DLG2: variants seen among roughly 807,000 people sequenced by gnomAD.
The protein encoded by DLG2 is disks large homolog 2.
DLG2 carries 45 observed loss-of-function variants against 132.5 expected under a neutral mutation model. The ratio of observed to expected loss-of-function variants is 0.34; its 90% confidence interval spans 0.27 to 0.44. DLG2 has a LOEUF of 0.44. Among genes scored for constraint, DLG2 ranks in the 20% least tolerant of loss-of-function variants. DLG2 has a pLI of 1.00. For missense variants in DLG2, 1,045 were observed against 1,196.9 expected (o/e 0.87, Z 1.87); for synonymous variants, 424 against 419.6 (o/e 1.01, Z -0.13).
chr11:83,765,529 C>A (rs1192939886), intron 18 of DLG2, among the ~76,000 whole-genome samples: 1 of 152,198 alleles, frequency 6.6e-6, no homozygotes, highest in Non-Finnish European at 1.5e-5. Context: ...ACAGAAATCA[C>A]AAAAGTGTCC....
intron 7 of DLG2, among the ~76,000 whole-genome samples, chr11:84,434,305 C>A (rs1227096732): frequency 6.6e-6 from 1 of 151,974 alleles, no homozygotes; most frequent in Non-Finnish European, 1.5e-5. Flanking sequence ...ATTCTGTAAA[C>A]ATTATCACTT....
At chr11:84,793,989 C>T (rs1474138518) in intron 6 of DLG2, among the ~76,000 whole-genome samples, 6 of 151,970 alleles carry the variant, frequency 3.9e-5, no homozygotes, top group African/African-American at 1.5e-4. Context: ...TCCTTCATTT[C>T]TGCCTTCCTT....
intron 6 of DLG2, chr11:84,687,380 TG>T: frequency 6.6e-6 from 1 of 152,284 alleles, no homozygotes; most frequent in South Asian, 2.1e-4. Context: ...CAAAAAATCC[TG>T]GTTATTATTT....
chr11:84,856,222 G>A (rs1400164538), intron 6 of DLG2, among the ~76,000 whole-genome samples: 3 of 151,992 alleles, frequency 2.0e-5, no homozygotes, highest in Non-Finnish European at 4.4e-5. Context: ...AATATTTAAA[G>A]GGATGTCACA....
chr11:84,705,418 A>T lies in DLG2; in HGVS notation c.358-170687T>A, dbSNP rs183940585. 5.4e-4 allele frequency among the ~76,000 whole-genome samples: 82 copies of T among 151,872 alleles called. 1 individual carries two copies. The highest frequency in any genetic ancestry group is 1.0e-3 in the Non-Finnish European group (71 of 67,776). On this transcript the variant is annotated intron_variant, in intron 6 of 27. Transcript: ENST00000376104. ...CTTCTTACCAGTTCTATTGCAAATC[A>T]TTCAGTTCTATTGAAGACACTGGAC...
intron 8 of DLG2, among the ~76,000 whole-genome samples, chr11:84,197,151 A>T (rs2154296069): frequency 6.6e-6 from 1 of 151,964 alleles, no homozygotes; most frequent in African/African-American, 2.4e-5. Flanking sequence ...TATGTTGAGT[A>T]TTTTTATACT....
intron 6 of DLG2, among the ~76,000 whole-genome samples, chr11:84,787,171 T>C (rs2073046307): frequency 6.6e-6 from 1 of 152,168 alleles, no homozygotes; most frequent in African/African-American, 2.4e-5. Flanking sequence ...CCATGTCCTT[T>C]TTCTAGATTG....
chr11:84,308,575 A>T (rs2098252929), intron 7 of DLG2, among the ~76,000 whole-genome samples: 1 of 152,020 alleles, frequency 6.6e-6, no homozygotes, highest in African/African-American at 2.4e-5. Flanking sequence ...TGGGCGGTCA[A>T]TGGGACTGGG....
At chr11:83,540,831 C>G (rs1292375763) in intron 20 of DLG2, among the ~76,000 whole-genome samples, 5 of 152,160 alleles carry the variant, frequency 3.3e-5, no homozygotes, top group African/African-American at 1.2e-4. Flanking sequence ...AGCATAATTC[C>G]TGACTGATTT....
chr11:85,485,294 T>C (rs1327125213), intron 3 of DLG2, among the ~76,000 whole-genome samples: 2 of 152,150 alleles, frequency 1.3e-5, no homozygotes, highest in East Asian at 1.9e-4. Flanking sequence ...ATGGCACATG[T>C]ATACATATGT....
chr11:85,287,853 C>A (rs1008538937), intron 3 of DLG2, among the ~76,000 whole-genome samples: 1 of 151,798 alleles, frequency 6.6e-6, no homozygotes, highest in Non-Finnish European at 1.5e-5. Context: ...AGAAAAATAA[C>A]GTTGGGTGAA....
chr11:83,971,492 C>T (rs1247873955), intron 12 of DLG2, among the ~76,000 whole-genome samples: 3 of 152,004 alleles, frequency 2.0e-5, no homozygotes, highest in Non-Finnish European at 1.5e-5. Flanking sequence ...TGTAATAATA[C>T]AAAGGTGGGA....
chr11:84,250,844 A>T (rs1278811529), intron 8 of DLG2, among the ~76,000 whole-genome samples: 1 of 152,190 alleles, frequency 6.6e-6, no homozygotes, highest in Non-Finnish European at 1.5e-5. Context: ...TAAAATCCAT[A>T]AAAATATTTA....
chr11:84,093,957 T>G (rs906074266), intron 10 of DLG2, among the ~76,000 whole-genome samples: 5 of 151,964 alleles, frequency 3.3e-5, no homozygotes, highest in Admixed American at 1.3e-4. Flanking sequence ...TGGGTCTTTT[T>G]TTTTTTATTT....
At chr11:84,132,308 C>G (rs1413365518) in intron 9 of DLG2, among the ~76,000 whole-genome samples, 1 of 151,932 alleles carries the variant, frequency 6.6e-6, no homozygotes, top group African/African-American at 2.4e-5. Context: ...TGGCAAGATA[C>G]CTGATATCTA....
At chr11:85,391,312 C>G (rs1392921487) in intron 3 of DLG2, among the ~76,000 whole-genome samples, 1 of 151,826 alleles carries the variant, frequency 6.6e-6, no homozygotes, top group Admixed American at 6.6e-5. Flanking sequence ...TTGCCAACAA[C>G]AAAAAATAGT....
rs181870422 is a variant in DLG2, at chr11:84,197,774, T to C, written c.574-34263A>G. Among the ~76,000 whole-genome samples, 358 of 152,280 alleles carry C rather than the reference T, an allele frequency of 2.4e-3. 2 individuals carry two copies. Among genetic ancestry groups the C allele is most frequent in the African/African-American group, 8.3e-3 (347 of 41,568 alleles). On this transcript the variant is annotated intron_variant, in intron 8 of 27. Transcript: ENST00000376104. ...GTATTCACTCAATTAAGTAACTAGA[T>C]AAACAGCTAATCCTAACACATACTG...
In DLG2 at chr11:84,359,362, C is replaced by T. The variant is rs189703350; in HGVS notation, c.520-108071G>A. On this transcript the variant is annotated intron_variant, in intron 7 of 27. Coordinates refer to ENST00000376104, the MANE Select transcript of DLG2 (RefSeq NM_001142699.3). ...ATCTTAACACCCCATCTCTGCTAGA[C>T]GAATTAACTCTTTTGGTTCACTGCA... Among the ~76,000 whole-genome samples, 31 of 151,942 alleles carry T rather than the reference C, an allele frequency of 2.0e-4. 1 individual carries two copies. Among genetic ancestry groups the T allele is most frequent in the Middle Eastern group, 3.4e-3 (1 of 294 alleles).
intron 7 of DLG2, among the ~76,000 whole-genome samples, chr11:84,273,993 T>G (rs1266883695): frequency 6.6e-6 from 1 of 152,186 alleles, no homozygotes; most frequent in Non-Finnish European, 1.5e-5. Flanking sequence ...TTCCTTATTC[T>G]AGATAAAATT....
Sources: allele counts gnomAD v4.1 joint callset (sites outside exome capture counted in the v4.1 genomes callset), GRCh38; gene constraint gnomAD v4.1.1; transcripts MANE v1.5; gene names NCBI Gene and HGNC (gene_info 2026-07-23, HGNC 2026-07-21).